NAA60: variants seen among roughly 807,000 people sequenced by gnomAD.
The protein encoded by NAA60 is N-alpha-acetyltransferase 60.
Under a neutral mutation model 26.1 loss-of-function variants are expected in NAA60, and 8 were observed. The ratio of observed to expected loss-of-function variants is 0.31; its 90% CI spans 0.18 to 0.55. NAA60 has a LOEUF of 0.55. Ranked by LOEUF, NAA60 falls within the 20% of genes least tolerant of loss-of-function variation. The pLI, the probability that NAA60 is intolerant of heterozygous loss-of-function variation, is 0.93. For missense variants in NAA60, 290 were observed against 311.3 expected, an observed-to-expected ratio of 0.93 and a Z score of 0.51; for synonymous variants, 131 against 122.5, an observed-to-expected ratio of 1.07 and a Z score of -0.46.
chr16:3,483,001 C>T (rs527558481), intron 5 of NAA60: 25 of 467,746 alleles, frequency 5.3e-5, no homozygotes, highest in Middle Eastern at 6.0e-4. Context: ...CCACCCCACT[C>T]GGCCACACGG....
chr16:3,463,921 G>A (rs1377060212), intron 2 of NAA60, among the ~76,000 whole-genome samples: 2 of 152,152 alleles, frequency 1.3e-5, no homozygotes, highest in Non-Finnish European at 1.5e-5. Flanking sequence ...AACAACCCAA[G>A]GTTATTGCAA....
In NAA60 at chr16:3,447,604, AC is replaced by A. The variant is rs1252307008; in HGVS notation, c.-76-866del. 4.2e-5 allele frequency: 41 copies of A among 985,418 alleles called. No homozygotes were observed. In the East Asian group the frequency reaches 4.2e-3, roughly 101 times the overall value. The allele number at this position is 985,418 out of a possible 1,614,324, so 61.0% of individuals were successfully genotyped here. A position where few individuals can be genotyped will look rare whatever the true frequency, so the allele number is the denominator to read the frequency against. On this transcript the variant is annotated intron_variant, in intron 1 of 7. Transcript: ENST00000407558. ...AAACTGACACAGAGCCTTCTCACCT[AC>A]ACTAAGGGGGCCTAGGTAAGCAAGA... is the stretch of plus-strand genomic sequence containing the variant.
intron 3 of NAA60, among the ~76,000 whole-genome samples, chr16:3,478,109 A>G (rs2036599641): frequency 7.1e-6 from 1 of 141,288 alleles, no homozygotes; most frequent in South Asian, 2.3e-4. Context: ...GGTGGCACGC[A>G]CCTGTAACCC....
chr16:3,482,997 C>T (rs180849830), intron 5 of NAA60: 12 of 470,080 alleles, frequency 2.6e-5, no homozygotes, highest in Non-Finnish European at 4.6e-5. Context: ...TGTCCCACCC[C>T]ACTCGGCCAC....
At chr16:3,450,699 CAAAAA>C (rs539095336) in intron 2 of NAA60, among the ~76,000 whole-genome samples, 3 of 73,606 alleles carry the variant, frequency 4.1e-5, no homozygotes, top group Non-Finnish European at 6.0e-5. Context: ...GACTCCGTCT[CAAAAA>C]AAAAAAAAAA....
At chr16:3,445,082 C>G (rs1033140969) in intron 1 of NAA60, among the ~76,000 whole-genome samples, 4 of 152,174 alleles carry the variant, frequency 2.6e-5, no homozygotes, top group African/African-American at 9.6e-5. Context: ...CTGTGAAGTC[C>G]CAGTAAAGGT....
In NAA60 at chr16:3,483,356, C is replaced by A. The variant is rs1295976959; in HGVS notation, c.338-7C>A. ...TGCCTGCATTACCTTTACCTCTTCT[C>A]CCCAAGGTTCCCTCTTACTTGAAAG... On this transcript the variant is annotated splice_region_variant and splice_polypyrimidine_tract_variant and intron_variant, in intron 5 of 7. Transcript: ENST00000407558. The A allele has an allele frequency of 6.3e-7, 1 of 1,594,992 alleles. No individual in the cohort carries two copies. The highest frequency in any genetic ancestry group is 8.6e-7 in the Non-Finnish European group (1 of 1,169,530).
chr16:3,446,856 C>T (rs2034576705), intron 1 of NAA60, among the ~76,000 whole-genome samples: 1 of 151,918 alleles, frequency 6.6e-6, no homozygotes, highest in Non-Finnish European at 1.5e-5. Context: ...AGTGATCCGC[C>T]CATGTCAGCC....
intron 1 of NAA60, among the ~76,000 whole-genome samples, chr16:3,446,421 C>G (rs1020813869): frequency 2.8e-4 from 43 of 151,270 alleles, no homozygotes; most frequent in African/African-American, 9.2e-4. Context: ...GTCCCAGCTA[C>G]TCGGGAGGCT....
At chr16:3,461,984 A>G (rs7203586) in intron 2 of NAA60, among the ~76,000 whole-genome samples, 39,724 of 150,912 alleles carry the variant, frequency 0.26, 7,495 homozygotes, top group African/African-American at 0.53. Context: ...CTACTTGGGA[A>G]ACTGAGGTGG....
chr16:3,447,221 T>C (rs569706814), intron 1 of NAA60, among the ~76,000 whole-genome samples: 1 of 152,334 alleles, frequency 6.6e-6, no homozygotes, highest in East Asian at 1.9e-4. Flanking sequence ...ATACTCATTT[T>C]TGGGAGTAAA....
At chr16:3,466,418 G>A (rs554192600) in intron 2 of NAA60, among the ~76,000 whole-genome samples, 7 of 152,364 alleles carry the variant, frequency 4.6e-5, no homozygotes, top group Admixed American at 1.3e-4. Flanking sequence ...TTGCTCTCAC[G>A]TGGGCAGCTG....
In NAA60 at chr16:3,459,359, T is replaced by G. The variant is rs377087877; in HGVS notation, c.-7+10819T>G. ...TGTTCACAGGCAGGGAGAGGGGGAG[T>G]CTTCAACATCTTTGAATTAAAAAGC... is the stretch of plus-strand genomic sequence containing the variant. On this transcript the variant is annotated intron_variant, in intron 2 of 7. Coordinates refer to ENST00000407558, the MANE Select transcript of NAA60 (RefSeq NM_001083601.3). 5.3e-5 allele frequency among the ~76,000 whole-genome samples: 8 copies of G among 151,270 alleles called. No homozygotes were observed. The East Asian group carries it at 1.4e-3, about 26-fold the overall frequency.
intron 2 of NAA60, among the ~76,000 whole-genome samples, chr16:3,465,466 C>T (rs544618382): frequency 6.6e-6 from 1 of 152,180 alleles, no homozygotes; most frequent in East Asian, 1.9e-4. Flanking sequence ...CTGAGTGGGG[C>T]CACAAAAGGT....
In NAA60 at chr16:3,482,548, C is replaced by T. The variant is rs752892785; in HGVS notation, c.287C>T (p.Ala96Val). The T allele has an allele frequency of 8.7e-6, 14 of 1,609,454 alleles. No homozygotes were observed. Among genetic ancestry groups the T allele is most frequent in the South Asian group, 1.1e-5 (1 of 89,832 alleles). ...ASNFSVDTQV[A>V]YILSLGVVKE... ...AACTTCTCTGTTGACACACAAGTCG[C>T]GTACATCCTAAGTCTGGGCGTCGTG... is the stretch of plus-strand genomic sequence containing the variant. Residue 96 changes from alanine to valine, a missense_variant, in exon 5 of 8, where the codon GCG becomes GTG. Transcript: ENST00000407558.
intron 5 of NAA60, 73 bp from the exon 6 acceptor site, chr16:3,483,290 G>A (rs2036963813): frequency 1.1e-5 from 12 of 1,112,188 alleles, no homozygotes; most frequent in Non-Finnish European, 1.6e-5. Flanking sequence ...CTCATGCAAA[G>A]CCCCCATCCT....
chr16:3,469,416 C>T (rs2035980312), intron 2 of NAA60, among the ~76,000 whole-genome samples: 1 of 147,088 alleles, frequency 6.8e-6, no homozygotes. Context: ...TGCCTTGCTG[C>T]TCCCCCCAGC....
At position 3,469,514 on chromosome 16, in the gene NAA60, C is replaced by CCTGTTATCAGCACTCTT. The variant is rs1259381146; in HGVS notation, c.-6-6708_-6-6707insCTGTTATCAGCACTCTT. On this transcript the variant is annotated intron_variant, in intron 2 of 7. Coordinates refer to ENST00000407558, the MANE Select transcript of NAA60 (RefSeq NM_001083601.3). The stretch of plus-strand genomic sequence containing the variant: ...TGTCTCTGACTTTGCCTTGCTGCTC[C>CCTGTTATCAGCACTCTT]GCACAGCACTGCCCTGGTACCCATC... 3.5e-4 allele frequency among the ~76,000 whole-genome samples: 45 copies of CCTGTTATCAGCACTCTT among 127,102 alleles called. 1 individual carries two copies. Among genetic ancestry groups the CCTGTTATCAGCACTCTT allele is most frequent in the Admixed American group, 9.0e-4 (11 of 12,188 alleles). 83.4% of individuals were successfully genotyped at this position (127,102 alleles called of 152,430 possible).
At chr16:3,461,806 T>TA (rs995580833) in intron 2 of NAA60, among the ~76,000 whole-genome samples, 2 of 152,060 alleles carry the variant, frequency 1.3e-5, no homozygotes, top group African/African-American at 4.8e-5. Context: ...CAAACCATGT[T>TA]AAAAAAATAT....
Sources: gnomAD v4.1 joint callset for allele counts (sites outside exome capture counted in the v4.1 genomes callset) on GRCh38, gnomAD v4.1.1 for gene constraint, MANE v1.5 for transcripts, NCBI Gene and HGNC (gene_info 2026-07-23, HGNC 2026-07-21) for gene names.